The following FCSK variants were observed in gnomAD, a reference collection of about 807,000 sequenced individuals.
FCSK encodes the protein fucose kinase, also known as L-fucose kinase.
A neutral mutation model predicts 122.5 loss-of-function variants in FCSK; 123 were observed. The observed-to-expected ratio is 1.00, with a 90% CI of 0.87 to 1.17. The LOEUF (loss-of-function observed/expected upper bound fraction) is 1.17. Among genes scored for constraint, FCSK ranks in the 50% most tolerant of loss-of-function variants. The probability of loss-of-function intolerance (pLI) is 0.00; values close to 1 mark genes in which losing one functional copy is unlikely to be tolerated. For synonymous variants in FCSK, 620 were observed against 625.5 expected, an observed-to-expected ratio of 0.99 and a Z score of 0.13; for missense variants, 1,366 against 1,450.4, an observed-to-expected ratio of 0.94 and a Z score of 0.95.
chr16:70,461,801 G>A (rs1353930186), intron 1 of FCSK, among the ~76,000 whole-genome samples: 2 of 152,178 alleles, frequency 1.3e-5, no homozygotes, highest in Non-Finnish European at 2.9e-5. Context: ...CACTCCCTGG[G>A]GAAATCACAC....
rs2048603769 is a variant in FCSK at position 70,471,162 on chromosome 16, C to T, written c.1171-20C>T. The stretch of plus-strand genomic sequence containing the variant: ...GTTGGGTGCCTGCCCACCCAGGATG[C>T]CTGCCCTGTCCCCCACCAGGGCCCC... On this transcript the variant is annotated intron_variant, in intron 12 of 23. Coordinates refer to ENST00000288078, the MANE Select transcript of FCSK (RefSeq NM_145059.3). The T allele has an allele frequency of 1.3e-6, 2 of 1,596,930 alleles. No homozygotes were observed. Among genetic ancestry groups the T allele is most frequent in the Admixed American group, 1.7e-5 (1 of 59,368 alleles).
chr16:70,472,703 C>A, intron 14 of FCSK, 98 bp downstream of exon 14: 1 of 1,027,108 alleles, frequency 9.7e-7, no homozygotes, highest in Non-Finnish European at 1.4e-6. Context: ...GCAGCACGGG[C>A]CGTGTTACCA....
At position 70,471,333 on chromosome 16, in the gene FCSK, G is replaced by A; in HGVS notation, c.1322G>A (p.Gly441Asp). 6.3e-7 allele frequency: 1 copy of A among 1,591,358 alleles called. No homozygotes were observed. The change falls in exon 13 of 24, where the codon GGC becomes GAC. Residue 441 changes from glycine to aspartate, a missense_variant. By Grantham distance (94) the Gly-to-Asp change is moderately conservative. Transcript: ENST00000288078. ...CCGGGCCACGCCTTCACCCTCGTTG[G>A]CCGTCTGGACAGCTGGGAGGTAGGC... Reference protein sequence around the residue: ...GSPGHAFTLVGRLDSWERQGA... With the variant: ...GSPGHAFTLVDRLDSWERQGA...
intron 8 of FCSK, 94 bp from the exon 9 acceptor site, chr16:70,468,755 G>A: frequency 1.0e-5 from 15 of 1,502,276 alleles, no homozygotes; most frequent in Non-Finnish European, 1.4e-5. Context: ...ATGGCACTCA[G>A]CTTCATGTGG....
At chr16:70,456,366 G>A (rs1407619894) in intron 1 of FCSK, among the ~76,000 whole-genome samples, 1 of 152,206 alleles carries the variant, frequency 6.6e-6, no homozygotes, top group Non-Finnish European at 1.5e-5. Context: ...AAGTGACACT[G>A]ATGTGCCTTT....
At chr16:70,472,942 T>C (rs2048675023) in intron 14 of FCSK, 41 bp from the exon 15 acceptor site, 1 of 1,565,844 alleles carries the variant, frequency 6.4e-7, no homozygotes, top group African/African-American at 1.4e-5. Context: ...AGACTGGAGC[T>C]TTTGCTTCCC....
At chr16:70,463,359 CAACCTGGGTTCA>C in intron 2 of FCSK, 87 bp downstream of exon 2, 1 of 1,197,764 alleles carries the variant, frequency 8.3e-7, no homozygotes, top group Non-Finnish European at 1.2e-6. Context: ...GGTGCCAGGC[CAACCTGGGTTCA>C]AACCCAGATT....
intron 18 of FCSK, 151 bp downstream of exon 18, chr16:70,475,162 C>T: frequency 1.0e-6 from 1 of 985,182 alleles, no homozygotes; most frequent in South Asian, 1.6e-5. Context: ...AGTCAACCTG[C>T]AAAGATGACA....
In FCSK at chr16:70,463,708, C is replaced by A. The variant is rs201023038; in HGVS notation, c.168C>A (p.Ser56Arg). The part of the protein sequence containing the change: ...AVEDPEKRVG[S>R]GGATLNALLV... ...AGGACCCAGAGAAGCGTGTGGGCAGCGGAGGAGCCACCCTCAACGCCCTGC... is the reference window on the plus strand; with the variant it reads ...AGGACCCAGAGAAGCGTGTGGGCAGAGGAGGAGCCACCCTCAACGCCCTGC... Residue 56 changes from serine to arginine, a missense_variant, in exon 3 of 24, where the codon AGC becomes AGA. Transcript: ENST00000288078. 9 of 1,612,780 alleles carry A rather than the reference C, an allele frequency of 5.6e-6. No individual in the cohort carries two copies. Among genetic ancestry groups the A allele is most frequent in the South Asian group, 1.1e-5 (1 of 91,048 alleles).
In FCSK at chr16:70,466,273, G is replaced by A; in HGVS notation, c.411+16G>A. 2 of 1,613,662 alleles carry A rather than the reference G, an allele frequency of 1.2e-6. No homozygotes were observed. The highest frequency in any genetic ancestry group is 1.7e-6 in the Non-Finnish European group (2 of 1,179,684). On this transcript the variant is annotated intron_variant, in intron 5 of 23. Coordinates refer to ENST00000288078, the MANE Select transcript of FCSK (RefSeq NM_145059.3). The stretch of plus-strand genomic sequence containing the variant: ...GACCTATCGGGTGAGGCTGGGTGGT[G>A]GCCCGTGGTGCCTCGTCCCAGATAG...
Position 70,473,398 on chromosome 16 carries a change from C to G in FCSK, c.1777+45C>G, listed in dbSNP as rs1399988221. 1 of 1,454,082 alleles carries G rather than the reference C, an allele frequency of 6.9e-7. No individual in the cohort carries two copies. The highest frequency in any genetic ancestry group is 9.1e-7 in the Non-Finnish European group (1 of 1,098,990). 90.1% of individuals were successfully genotyped at this position (1,454,082 alleles called of 1,614,324 possible). A position where few individuals can be genotyped will look rare whatever the true frequency, so the allele number is the denominator to read the frequency against. ...GTGCTGCAGAATCAGGCCAGGGGCACCTGCCCTCCCTGTCCTCTGGGCCAT... is the reference window on the plus strand; with the variant it reads ...GTGCTGCAGAATCAGGCCAGGGGCAGCTGCCCTCCCTGTCCTCTGGGCCAT... On this transcript the variant is annotated intron_variant, in intron 15 of 23. Transcript: ENST00000288078. This position sits in a 1 kb window ranked among gnomAD's most constrained non-coding sequence, Gnocchi z 4.9.
At chr16:70,465,456 C>G (rs541035780) in intron 4 of FCSK, among the ~76,000 whole-genome samples, 2 of 151,110 alleles carry the variant, frequency 1.3e-5, no homozygotes, top group Non-Finnish European at 1.5e-5. Flanking sequence ...CCCAGGAGAT[C>G]GAGACCAGCC....
chr16:70,474,868 G>T lies in FCSK; in HGVS notation c.2234G>T (p.Arg745Leu), dbSNP rs200256917. 2 of 1,598,762 alleles carry T rather than the reference G, an allele frequency of 1.3e-6. No individual in the cohort carries two copies. Among genetic ancestry groups the T allele is most frequent in the Non-Finnish European group, 1.7e-6 (2 of 1,174,334 alleles). ...VLGLAVRVDG[R>L]RPIGARARRI... Reference sequence around the variant, plus strand: ...GGCCTGGCTGTGCGAGTGGACGGCCGCCGGCCCATCGGAGCCAGGGCACGC... The same window carrying T: ...GGCCTGGCTGTGCGAGTGGACGGCCTCCGGCCCATCGGAGCCAGGGCACGC... Residue 745 changes from arginine to leucine, a missense_variant, in exon 18 of 24, where the codon CGC becomes CTC. Transcript: ENST00000288078.
chr16:70,463,300 C>A (rs1243850803), intron 2 of FCSK, 28 bp downstream of exon 2: 1 of 1,584,714 alleles, frequency 6.3e-7, no homozygotes, highest in South Asian at 1.1e-5. Context: ...CCACCTTGCC[C>A]CTAATGGAGA....
At chr16:70,479,028 G>A (rs1481582025) in intron 22 of FCSK, 152 bp from the exon 23 acceptor site, 3 of 663,624 alleles carry the variant, frequency 4.5e-6, no homozygotes, top group Non-Finnish European at 7.9e-6. Context: ...GCAGTCCTGG[G>A]AAGTGGGTTA....
At position 70,467,546 on chromosome 16, in the gene FCSK, T is replaced by C; in HGVS notation, c.582+75T>C. The C allele has an allele frequency of 4.4e-6, 5 of 1,136,292 alleles. No individual in the cohort carries two copies. In the South Asian group the frequency reaches 6.9e-5, roughly 16 times the overall value. The allele number at this position is 1,136,292 out of a possible 1,614,324, so 70.4% of individuals were successfully genotyped here. On this transcript the variant is annotated intron_variant, in intron 7 of 23. Coordinates refer to ENST00000288078, the MANE Select transcript of FCSK (RefSeq NM_145059.3). Reference sequence around the variant, plus strand: ...CAGTGGGCAGCCTCCTCCCTGTCAGTGGGCAGCCTCTCATCCTGGATTTCC... The same window carrying C: ...CAGTGGGCAGCCTCCTCCCTGTCAGCGGGCAGCCTCTCATCCTGGATTTCC...
chr16:70,468,406 C>T (rs1444853014), intron 8 of FCSK, among the ~76,000 whole-genome samples: 2 of 152,100 alleles, frequency 1.3e-5, no homozygotes, highest in South Asian at 2.1e-4. Flanking sequence ...GGTGACAGAG[C>T]GAGACTCTGA....
chr16:70,471,020 A>C lies in FCSK; in HGVS notation c.1118A>C (p.Glu373Ala). Reference protein sequence around the residue: ...AGSSVVSCLLEGPVQLGPGSV... With the variant: ...AGSSVVSCLLAGPVQLGPGSV... ...AGCTCTGTGGTCAGCTGCCTGCTGG[A>C]GGGCCCTGTCCAGCTGGGTCCTGGG... is the stretch of plus-strand genomic sequence containing the variant. The change falls in exon 12 of 24, where the codon GAG (glutamate) becomes GCG (alanine). Residue 373 changes from glutamate (E) to alanine (A), a missense_variant. Glu to Ala is a moderately radical substitution (Grantham distance 107, BLOSUM62 -1). Coordinates refer to ENST00000288078, the MANE Select transcript of FCSK (RefSeq NM_145059.3). 6.2e-7 allele frequency: 1 copy of C among 1,602,744 alleles called. No homozygotes were observed. The highest frequency in any genetic ancestry group is 8.5e-7 in the Non-Finnish European group (1 of 1,176,630).
chr16:70,476,861 G>A (rs939646739), intron 20 of FCSK, among the ~76,000 whole-genome samples: 1 of 152,186 alleles, frequency 6.6e-6, no homozygotes, highest in Non-Finnish European at 1.5e-5. Context: ...ACTATTTGTT[G>A]AGAACCCACT....
Sources: allele counts gnomAD v4.1 joint callset (sites outside exome capture counted in the v4.1 genomes callset), GRCh38; gene constraint gnomAD v4.1.1; non-coding constraint Gnocchi (gnomAD v3.1); transcripts MANE v1.5; gene names NCBI Gene and HGNC (gene_info 2026-07-23, HGNC 2026-07-21).